GAK: variants seen among roughly 807,000 people sequenced by gnomAD.
The protein encoded by GAK is cyclin G associated kinase.
GAK carries 79 observed loss-of-function variants against 143.9 expected under a neutral mutation model. The ratio of observed to expected loss-of-function variants is 0.55; its 90% CI spans 0.46 to 0.66. The LOEUF (loss-of-function observed/expected upper bound fraction) is 0.66, where lower values mean the gene tolerates loss of function less well. GAK is among the 30% of genes least tolerant of loss of function. The pLI, the probability that GAK is intolerant of heterozygous loss-of-function variation, is 0.00. For synonymous variants in GAK, 881 were observed against 765.5 expected, an observed-to-expected ratio of 1.15 and a Z score of -2.49; for missense variants, 1,693 against 1,779.7, an observed-to-expected ratio of 0.95 and a Z score of 0.88.
In GAK at chr4:867,050, C is replaced by CG; in HGVS notation, c.2777dup (p.Glu927GlyfsTer33). Reference sequence around the variant, plus strand: ...GCGGGTCCTCGCTGAGCAGATCCTCCGGGGGCCCCTGGGAGGCGGCCTCAG... The same window carrying CG: ...GCGGGTCCTCGCTGAGCAGATCCTCCGGGGGGCCCCTGGGAGGCGGCCTCAG... On this transcript the variant is annotated frameshift_variant, in exon 21 of 28. Coordinates refer to ENST00000314167, the MANE Select transcript of GAK (RefSeq NM_005255.4). LOFTEE classifies it high-confidence loss of function. 1 of 1,522,004 alleles carries CG rather than the reference C, an allele frequency of 6.6e-7. No homozygotes were observed. 94.3% of individuals were successfully genotyped at this position (1,522,004 alleles called of 1,614,324 possible).
chr4:854,525 G>A (rs550999015), intron 24 of GAK, among the ~76,000 whole-genome samples: 1 of 152,166 alleles, frequency 6.6e-6, no homozygotes, highest in African/African-American at 2.4e-5. Context: ...TCTGTAGAAC[G>A]AGGGCTTAGG....
At chr4:893,078 A>C (rs1030185456) in intron 9 of GAK, among the ~76,000 whole-genome samples, 3 of 152,096 alleles carry the variant, frequency 2.0e-5, no homozygotes, top group African/African-American at 7.2e-5. Flanking sequence ...TTTGGGGCTC[A>C]CATGTGCCTC....
chr4:849,821 C>CGGGGGGGGGGGG, intron 27 of GAK, 47 bp from the exon 28 acceptor site: 8 of 1,435,262 alleles, frequency 5.6e-6, no homozygotes, highest in Non-Finnish European at 5.7e-6. Flanking sequence ...CATGCGGGGG[C>CGGGGGGGGGGGG]GGGCGGGGCA....
chr4:872,935 C>G (rs62297061), intron 18 of GAK, among the ~76,000 whole-genome samples: 1 of 141,468 alleles, frequency 7.1e-6, no homozygotes, highest in South Asian at 2.4e-4. Context: ...CCAGGCACGG[C>G]GCAGGCTCAC....
At chr4:879,767 C>T (rs1468278063) in intron 15 of GAK, among the ~76,000 whole-genome samples, 1 of 152,198 alleles carries the variant, frequency 6.6e-6, no homozygotes, top group Non-Finnish European at 1.5e-5. Context: ...CTCCCGCTTC[C>T]CTCTTCCCTT....
At chr4:921,983 A>G (rs1455708675) in intron 1 of GAK, among the ~76,000 whole-genome samples, 3 of 152,226 alleles carry the variant, frequency 2.0e-5, no homozygotes, top group African/African-American at 7.2e-5. Flanking sequence ...ATGTATCACA[A>G]TGATCACAGT....
chr4:886,237 C>T (rs1365414970), intron 11 of GAK: 2 of 152,274 alleles, frequency 1.3e-5, no homozygotes, highest in African/African-American at 4.8e-5. Context: ...GGGTTCCCAC[C>T]ATCCCCTAAC....
chr4:930,943 GGT>G (rs1725604999), intron 1 of GAK, among the ~76,000 whole-genome samples: 1 of 152,192 alleles, frequency 6.6e-6, no homozygotes, highest in African/African-American at 2.4e-5. Flanking sequence ...AGCCCTGAGA[GGT>G]ACCAGGGAGC....
At chr4:915,861 G>A (rs752004541) in intron 1 of GAK, 10 of 152,134 alleles carry the variant, frequency 6.6e-5, no homozygotes, top group African/African-American at 1.9e-4. Flanking sequence ...AGTTCTCGCC[G>A]GTGCCATCAG....
chr4:856,224 TCAC>T (rs35821365), intron 24 of GAK, among the ~76,000 whole-genome samples: 6,464 of 138,518 alleles, frequency 0.047, 168 homozygotes, highest in Middle Eastern at 0.086. Context: ...CCACAGCTGC[TCAC>T]CACCACAGCT....
intron 9 of GAK, among the ~76,000 whole-genome samples, chr4:891,242 T>C (rs1355966610): frequency 6.6e-6 from 1 of 151,960 alleles, no homozygotes; most frequent in Admixed American, 6.6e-5. Context: ...ATTACAGGCG[T>C]GAGCCACTGC....
chr4:887,456 C>T lies in GAK; in HGVS notation c.1205+1391G>A, dbSNP rs180870968. On this transcript the variant is annotated intron_variant, in intron 11 of 27. Transcript: ENST00000314167. ...ACAGGCACTCGCACACATGCATACA[C>T]ATGCACGCAGCTCACGCACACAGGC... The T allele has an allele frequency of 2.0e-5, 3 of 151,616 alleles. No homozygotes were observed. The East Asian group carries it at 5.8e-4, about 30-fold the overall frequency. The allele number at this position is 151,616 out of a possible 1,614,324, so 9.4% of individuals were successfully genotyped here.
At chr4:894,250 CG>C (rs1560382151) in intron 7 of GAK, 2 of 315,718 alleles carry the variant, frequency 6.3e-6, no homozygotes, top group Non-Finnish European at 1.1e-5. Context: ...ACCCGGGCCG[CG>C]GGGAGCGCAG....
chr4:928,800 G>C (rs923539338), intron 1 of GAK, among the ~76,000 whole-genome samples: 2 of 151,614 alleles, frequency 1.3e-5, no homozygotes, highest in Non-Finnish European at 2.9e-5. Context: ...ATTTACTCTT[G>C]TTGCCCAGGC....
intron 19 of GAK, 108 bp downstream of exon 19, chr4:870,603 C>G (rs1189887782): frequency 1.7e-6 from 2 of 1,147,300 alleles, no homozygotes; most frequent in East Asian, 2.4e-5. Flanking sequence ...GGCCTGGGTG[C>G]AGCAGCAGGC....
rs1055270768 is a variant in GAK, at chr4:849,592, G to T, written c.*81C>A. The T allele has an allele frequency of 2.7e-6, 3 of 1,111,626 alleles. No homozygotes were observed. Among genetic ancestry groups the T allele is most frequent in the South Asian group, 2.6e-5 (2 of 76,578 alleles). The allele number at this position is 1,111,626 out of a possible 1,614,324, so 68.9% of individuals were successfully genotyped here. ...CCTGGCCACACCTGCTGTCGCCCAC[G>T]GGGTCCTCACGGTGGGGACCCAGGT... On this transcript the variant is annotated 3_prime_UTR_variant, in exon 28 of 28. Coordinates refer to ENST00000314167, the MANE Select transcript of GAK (RefSeq NM_005255.4).
chr4:909,856 C>T (rs1198539005), intron 4 of GAK, among the ~76,000 whole-genome samples: 3 of 152,186 alleles, frequency 2.0e-5, no homozygotes, highest in Admixed American at 1.3e-4. Context: ...GAAACACAAG[C>T]GGCACATCCC....
chr4:883,028 G>C (rs1715476015), intron 13 of GAK, among the ~76,000 whole-genome samples: 1 of 152,258 alleles, frequency 6.6e-6, no homozygotes. Context: ...GGGTCCCTTT[G>C]CATACTGACA....
intron 24 of GAK, among the ~76,000 whole-genome samples, chr4:857,916 T>C (rs771726265): frequency 1.5e-4 from 23 of 152,228 alleles, no homozygotes; most frequent in Non-Finnish European, 2.4e-4. Flanking sequence ...CACTGCCTGA[T>C]GGGGCCCTGG....
Sources: gnomAD v4.1 joint callset for allele counts (sites outside exome capture counted in the v4.1 genomes callset) on GRCh38, gnomAD v4.1.1 for gene constraint, MANE v1.5 for transcripts, NCBI Gene and HGNC (gene_info 2026-07-23, HGNC 2026-07-21) for gene names.